Variants in DGKB observed in about 807,000 individuals in gnomAD.
The protein encoded by DGKB is 90 kDa diacylglycerol kinase.
In DGKB, 67 loss-of-function variants were observed where a neutral mutation model predicts 114.3. The observed-to-expected ratio is 0.59, with a 90% CI of 0.48 to 0.72. The LOEUF (loss-of-function observed/expected upper bound fraction) is 0.72. Ranked by LOEUF, DGKB falls within the 30% of genes least tolerant of loss-of-function variation. The pLI is 0.00. For synonymous variants in DGKB, 398 were observed against 323.1 expected (o/e 1.23, Z -2.49); for missense variants, 907 against 975.2 (o/e 0.93, Z 0.93).
At chr7:14,954,425 T>C (rs1786384379) in intron 1 of DGKB, among the ~76,000 whole-genome samples, 1 of 152,102 alleles carries the variant, frequency 6.6e-6, no homozygotes, top group African/African-American at 2.4e-5. Flanking sequence ...TTGCAAGGCC[T>C]CTAATTTATC....
chr7:14,188,061 AATAC>A (rs1783711540), intron 23 of DGKB, among the ~76,000 whole-genome samples: 1 of 152,170 alleles, frequency 6.6e-6, no homozygotes, highest in Non-Finnish European at 1.5e-5. Flanking sequence ...AAATGAAAAA[AATAC>A]ATAACTGACA....
intron 1 of DGKB, among the ~76,000 whole-genome samples, chr7:14,939,725 TG>T (rs144786920): frequency 0.02 from 2,740 of 140,450 alleles, 88 homozygotes; most frequent in African/African-American, 0.069. Flanking sequence ...GCCATTCTCC[TG>T]CCTCAGACTC....
chr7:14,631,731 G>T (rs1446347324), intron 13 of DGKB, among the ~76,000 whole-genome samples: 4 of 152,108 alleles, frequency 2.6e-5, no homozygotes, highest in Middle Eastern at 3.4e-3. Context: ...CTCTGGGTCA[G>T]TTCAAAGATA....
At chr7:14,604,430 C>T (rs923838417) in intron 17 of DGKB, among the ~76,000 whole-genome samples, 1 of 151,768 alleles carries the variant, frequency 6.6e-6, no homozygotes, top group African/African-American at 2.4e-5. Context: ...AAGAATACAT[C>T]AATCTGGTGT....
chr7:14,183,962 G>A (rs1003556166), intron 23 of DGKB, among the ~76,000 whole-genome samples: 4 of 152,186 alleles, frequency 2.6e-5, no homozygotes, highest in African/African-American at 9.7e-5. Context: ...CCCAAATACT[G>A]AGTGCCCAAC....
At chr7:14,245,602 A>G (rs1218415644) in intron 23 of DGKB, among the ~76,000 whole-genome samples, 2 of 152,134 alleles carry the variant, frequency 1.3e-5, no homozygotes, top group Non-Finnish European at 2.9e-5. Flanking sequence ...AAGTTTACCA[A>G]GAAAAATTAT....
intron 1 of DGKB, among the ~76,000 whole-genome samples, chr7:14,849,206 C>G (rs1230747319): frequency 6.6e-6 from 1 of 151,968 alleles, no homozygotes; most frequent in African/African-American, 2.4e-5. Flanking sequence ...TAGTAGGCAA[C>G]TTATTGAACA....
At chr7:14,690,085 T>G (rs1822555745) in intron 9 of DGKB, among the ~76,000 whole-genome samples, 1 of 152,228 alleles carries the variant, frequency 6.6e-6, no homozygotes, top group Admixed American at 6.5e-5. Flanking sequence ...GCTAGTCTAC[T>G]GCTTAAATGT....
At chr7:14,783,595 T>A (rs1167153300) in intron 2 of DGKB, among the ~76,000 whole-genome samples, 1 of 152,226 alleles carries the variant, frequency 6.6e-6, no homozygotes, top group East Asian at 1.9e-4. Context: ...TCTATCTCAA[T>A]AAATTCTGCT....
intron 22 of DGKB, among the ~76,000 whole-genome samples, chr7:14,342,362 CT>C (rs1472738019): frequency 5.9e-5 from 9 of 151,810 alleles, no homozygotes. Flanking sequence ...CATTCATGAA[CT>C]CTGTATCTTC....
At chr7:14,715,768 T>G (rs1282337019) in intron 6 of DGKB, among the ~76,000 whole-genome samples, 1 of 152,228 alleles carries the variant, frequency 6.6e-6, no homozygotes, top group Non-Finnish European at 1.5e-5. Flanking sequence ...CACCCTTTCC[T>G]TCTATGACAT....
chr7:14,793,748 C>T (rs541336368), intron 2 of DGKB, among the ~76,000 whole-genome samples: 1 of 151,926 alleles, frequency 6.6e-6, no homozygotes, highest in African/African-American at 2.4e-5. Flanking sequence ...TTTTGTATGT[C>T]AACTTGGCTG....
chr7:14,658,262 T>G (rs893148366), intron 13 of DGKB, among the ~76,000 whole-genome samples: 1 of 151,896 alleles, frequency 6.6e-6, no homozygotes, highest in Admixed American at 6.6e-5. Flanking sequence ...ATTTTAAGTT[T>G]CAGCAACATA....
intron 21 of DGKB, among the ~76,000 whole-genome samples, chr7:14,371,164 T>C (rs1469660408): frequency 6.6e-6 from 1 of 152,134 alleles, no homozygotes; most frequent in Non-Finnish European, 1.5e-5. Context: ...GAATCATTTA[T>C]TTTCTTTTGG....
intron 21 of DGKB, among the ~76,000 whole-genome samples, chr7:14,428,313 C>G (rs1054074407): frequency 6.6e-6 from 1 of 152,054 alleles, no homozygotes; most frequent in Non-Finnish European, 1.5e-5. Flanking sequence ...TTGACTTTCA[C>G]TTCTGTAACT....
chr7:14,694,803 G>A (rs1317044516), intron 8 of DGKB, among the ~76,000 whole-genome samples: 2 of 152,164 alleles, frequency 1.3e-5, no homozygotes, highest in Non-Finnish European at 2.9e-5. Flanking sequence ...GGGCTGTTGT[G>A]AGGATTAAAT....
intron 21 of DGKB, among the ~76,000 whole-genome samples, chr7:14,393,129 A>G (rs530327527): frequency 6.6e-6 from 1 of 151,532 alleles, no homozygotes; most frequent in African/African-American, 2.4e-5. Flanking sequence ...AGCTGGGACT[A>G]CAGGCGCCCG....
intron 6 of DGKB, among the ~76,000 whole-genome samples, chr7:14,708,712 G>A (rs1237690284): frequency 6.6e-6 from 1 of 151,240 alleles, no homozygotes; most frequent in Non-Finnish European, 1.5e-5. Context: ...CAAGAAATGG[G>A]GAAAGGATTC....
intron 24 of DGKB, among the ~76,000 whole-genome samples, chr7:14,177,816 AAGAG>A (rs1470227510): frequency 6.6e-6 from 1 of 152,172 alleles, no homozygotes; most frequent in Non-Finnish European, 1.5e-5. Context: ...GGTAGTCAAC[AAGAG>A]AGAATCAGAT....
Sources: gnomAD v4.1 joint callset for allele counts (sites outside exome capture counted in the v4.1 genomes callset) on GRCh38, gnomAD v4.1.1 for gene constraint, MANE v1.5 for transcripts, NCBI Gene and HGNC (gene_info 2026-07-23, HGNC 2026-07-21) for gene names.